The following TM4SF4 variants were observed in gnomAD, a reference collection of about 807,000 sequenced individuals.
TM4SF4 encodes transmembrane 4 L six family member 4.
In TM4SF4, 24 loss-of-function variants were observed where a neutral mutation model predicts 24.1. The observed-to-expected ratio is 1.00, with a 90% CI of 0.72 to 1.40. TM4SF4 has a LOEUF of 1.40. Among genes scored for constraint, TM4SF4 ranks in the 40% most tolerant of loss-of-function variants. TM4SF4 has a pLI of 0.00. For synonymous variants in TM4SF4, 113 were observed against 97.0 expected (o/e 1.17, Z -0.97); for missense variants, 254 against 254.2 (o/e 1.00, Z 0.01).
At chr3:149,483,671 C>T (rs545415031) in intron 2 of TM4SF4, among the ~76,000 whole-genome samples, 67 of 152,114 alleles carry the variant, frequency 4.4e-4, no homozygotes, top group Non-Finnish European at 7.4e-4. Context: ...AGCTCCTTAG[C>T]CAACAATAAT....
intron 2 of TM4SF4, among the ~76,000 whole-genome samples, chr3:149,484,812 A>C (rs975887821): frequency 1.1e-4 from 16 of 152,264 alleles, no homozygotes; most frequent in Middle Eastern, 3.4e-3. Flanking sequence ...TCGGCCCCGC[A>C]AAGTGCTGGG....
At chr3:149,491,266 G>T (rs920641958) in intron 3 of TM4SF4, among the ~76,000 whole-genome samples, 3 of 139,724 alleles carry the variant, frequency 2.1e-5, no homozygotes, top group Admixed American at 8.6e-5. Context: ...GGCAACATAG[G>T]GAGAACTCCC....
At chr3:149,490,007 T>C (rs1370237412) in intron 3 of TM4SF4, among the ~76,000 whole-genome samples, 2 of 152,184 alleles carry the variant, frequency 1.3e-5, no homozygotes, top group Admixed American at 6.5e-5. Flanking sequence ...TACAGGGATG[T>C]ATTACAAAAC....
At chr3:149,496,749 C>T (rs1349734604) in intron 3 of TM4SF4, among the ~76,000 whole-genome samples, 1 of 151,812 alleles carries the variant, frequency 6.6e-6, no homozygotes, top group Non-Finnish European at 1.5e-5. Flanking sequence ...GCCTGGGCAA[C>T]AAGAGCGAAA....
intron 3 of TM4SF4, chr3:149,495,446 T>C (rs1405760014): frequency 1.0e-5 from 4 of 400,032 alleles, no homozygotes; most frequent in Non-Finnish European, 2.0e-5. Context: ...GAAACTGGTG[T>C]TCTCAAACCC....
rs539862228 is a variant in TM4SF4 at position 149,502,848 on chromosome 3, C to T, written c.*155C>T. The T allele has an allele frequency of 1.3e-5, 7 of 521,722 alleles. No individual in the cohort carries two copies. In the Admixed American group the frequency reaches 1.3e-4, roughly 10 times the overall value. The allele number at this position is 521,722 out of a possible 1,614,324, so 32.3% of individuals were successfully genotyped here. A position where few individuals can be genotyped will look rare whatever the true frequency, so the allele number is the denominator to read the frequency against. On this transcript the variant is annotated 3_prime_UTR_variant, in exon 5 of 5. Transcript: ENST00000305354. ...TTCCTTCTTTCCAACCAGCTTTGCTCGAGTTAGAATTTTGTTATTTTCAAA... is the reference window on the plus strand; with the variant it reads ...TTCCTTCTTTCCAACCAGCTTTGCTTGAGTTAGAATTTTGTTATTTTCAAA...
intron 2 of TM4SF4, among the ~76,000 whole-genome samples, chr3:149,481,196 C>T (rs763311783): frequency 4.7e-4 from 71 of 152,278 alleles, no homozygotes; most frequent in Non-Finnish European, 8.1e-4. Flanking sequence ...AAATCCTCTG[C>T]TACAAAATGG....
chr3:149,490,561 A>G (rs868052391), intron 3 of TM4SF4, among the ~76,000 whole-genome samples: 50 of 152,256 alleles, frequency 3.3e-4, no homozygotes, highest in Admixed American at 5.2e-4. Context: ...TTCTCACTCC[A>G]AGTCACAGTG....
chr3:149,500,843 G>A (rs1734406005), intron 4 of TM4SF4, among the ~76,000 whole-genome samples: 1 of 152,018 alleles, frequency 6.6e-6, no homozygotes, highest in South Asian at 2.1e-4. Flanking sequence ...TGGCAACATG[G>A]TGAAACCCCA....
In TM4SF4 at chr3:149,478,293, G is replaced by A. The variant is rs545727879; in HGVS notation, c.264+2381G>A. Among the ~76,000 whole-genome samples, 189 of 152,064 alleles carry A rather than the reference G, an allele frequency of 1.2e-3. 1 individual carries two copies. Among genetic ancestry groups the A allele is most frequent in the African/African-American group, 4.4e-3 (183 of 41,468 alleles). On this transcript the variant is annotated intron_variant, in intron 2 of 4. Transcript: ENST00000305354. Reference sequence around the variant, plus strand: ...CCCAAGTAGCTGGGATTACAGCCATGTGCCACCATGCCCAGCTAATTTTGT... The same window carrying A: ...CCCAAGTAGCTGGGATTACAGCCATATGCCACCATGCCCAGCTAATTTTGT...
chr3:149,501,705 G>A (rs1319407320), intron 4 of TM4SF4, among the ~76,000 whole-genome samples: 3 of 152,200 alleles, frequency 2.0e-5, no homozygotes, highest in African/African-American at 7.2e-5. Flanking sequence ...CAGCTTACTA[G>A]CTGAGTGACT....
chr3:149,485,791 TAAAAACAAAAAC>T (rs71619312), intron 2 of TM4SF4, among the ~76,000 whole-genome samples: 18 of 150,668 alleles, frequency 1.2e-4, no homozygotes, highest in East Asian at 9.7e-4. Flanking sequence ...AGACCCTGTC[TAAAAACAAAAAC>T]AAAAACAAAA....
chr3:149,502,761 T>C lies in TM4SF4; in HGVS notation c.*68T>C. ...CAATTTCTTTTCATAAAACTTCTTC[T>C]CTTCTTGGAATTATTAATTCCTATC... On this transcript the variant is annotated 3_prime_UTR_variant, in exon 5 of 5. Coordinates refer to ENST00000305354, the MANE Select transcript of TM4SF4 (RefSeq NM_004617.4). 1 of 1,203,740 alleles carries C rather than the reference T, an allele frequency of 8.3e-7. No homozygotes were observed. Among genetic ancestry groups the C allele is most frequent in the Non-Finnish European group, 1.2e-6 (1 of 815,718 alleles). 74.6% of individuals were successfully genotyped at this position (1,203,740 alleles called of 1,614,324 possible). A position where few individuals can be genotyped will look rare whatever the true frequency, so the allele number is the denominator to read the frequency against.
At chr3:149,495,745 G>T in intron 3 of TM4SF4, 1 of 232,944 alleles carries the variant, frequency 4.3e-6, no homozygotes. Flanking sequence ...TTGCTGAGCT[G>T]AAGGAAAAGA....
intron 3 of TM4SF4, among the ~76,000 whole-genome samples, chr3:149,493,091 A>C (rs1317094121): frequency 6.6e-6 from 1 of 152,224 alleles, no homozygotes; most frequent in Non-Finnish European, 1.5e-5. Context: ...CACTCAGCAC[A>C]GTTCCTACCA....
chr3:149,483,050 C>G (rs1219471894), intron 2 of TM4SF4, among the ~76,000 whole-genome samples: 1 of 152,090 alleles, frequency 6.6e-6, no homozygotes, highest in African/African-American at 2.4e-5. Flanking sequence ...CAAGACCCCC[C>G]TCCTTCATAG....
intron 2 of TM4SF4, among the ~76,000 whole-genome samples, chr3:149,482,286 C>T (rs189761166): frequency 6.6e-6 from 1 of 152,292 alleles, no homozygotes; most frequent in African/African-American, 2.4e-5. Context: ...TAATCCATAC[C>T]TTTGACAACA....
chr3:149,474,764 C>G lies in TM4SF4; in HGVS notation c.-114C>G. Reference sequence around the variant, plus strand: ...AAATTTGGTTCTCAGCCCCAAAATACTGATTGAATTGGAGACAATTACAAG... The same window carrying G: ...AAATTTGGTTCTCAGCCCCAAAATAGTGATTGAATTGGAGACAATTACAAG... On this transcript the variant is annotated 5_prime_UTR_variant, in exon 1 of 5. Coordinates refer to ENST00000305354, the MANE Select transcript of TM4SF4 (RefSeq NM_004617.4). 4 of 1,177,158 alleles carry G rather than the reference C, an allele frequency of 3.4e-6. No homozygotes were observed. The highest frequency in any genetic ancestry group is 2.3e-6 in the Non-Finnish European group (2 of 855,534). The allele number at this position is 1,177,158 out of a possible 1,614,324, so 72.9% of individuals were successfully genotyped here.
At chr3:149,483,276 G>A (rs980515701) in intron 2 of TM4SF4, among the ~76,000 whole-genome samples, 6 of 152,212 alleles carry the variant, frequency 3.9e-5, no homozygotes, top group South Asian at 2.1e-4. Flanking sequence ...GCATGGAGGC[G>A]GCTAAGAAAC....
Sources: gnomAD v4.1 joint callset for allele counts (sites outside exome capture counted in the v4.1 genomes callset) on GRCh38, gnomAD v4.1.1 for gene constraint, MANE v1.5 for transcripts, NCBI Gene and HGNC (gene_info 2026-07-23, HGNC 2026-07-21) for gene names.